Variants in SCAF8 observed in about 807,000 individuals in gnomAD.
SCAF8 encodes the protein SR-related CTD associated factor 8.
A neutral mutation model predicts 140.5 loss-of-function variants in SCAF8; 23 were observed. The observed-to-expected ratio is 0.16, with a 90% CI of 0.12 to 0.23. SCAF8 has a LOEUF of 0.23. Ranked by LOEUF, SCAF8 falls within the 10% of genes least tolerant of loss-of-function variation. The probability of loss-of-function intolerance (pLI) is 1.00; values close to 1 mark genes in which losing one functional copy is unlikely to be tolerated. For missense variants in SCAF8, 1,397 were observed against 1,555.7 expected (o/e 0.90, Z 1.72); for synonymous variants, 575 against 528.9 (o/e 1.09, Z -1.20).
In SCAF8 at chr6:154,831,035, C is replaced by T; in HGVS notation, c.2254C>T (p.Pro752Ser). Residue 752 changes from proline to serine, a missense_variant, in exon 19 of 20, where the codon CCA becomes TCA. Physicochemically the swap from Pro to Ser is moderately conservative, Grantham distance 74 (BLOSUM62 -1). Transcript: ENST00000367178. ...CAGCAATCTTGCTACTTCCGCTCTG[C>T]CAGCTGGAAATGTTTTTAATGCTCC... ...VASNLATSALPAGNVFNAPTK... is the reference protein window; with the variant it reads ...VASNLATSALSAGNVFNAPTK... 1 of 1,613,958 alleles carries T rather than the reference C, an allele frequency of 6.2e-7. No individual in the cohort carries two copies. Among genetic ancestry groups the T allele is most frequent in the Non-Finnish European group, 8.5e-7 (1 of 1,179,880 alleles).
At position 154,737,192 on chromosome 6, in the gene SCAF8, C is replaced by T. The variant is rs966494515; in HGVS notation, c.30+3262C>T. Among the ~76,000 whole-genome samples, 13 of 152,062 alleles carry T rather than the reference C, an allele frequency of 8.5e-5. 1 individual carries two copies. Among genetic ancestry groups the T allele is most frequent in the Admixed American group, 3.3e-4 (5 of 15,262 alleles). ...CAGGATTAGGAGAAAAGGATGTTTT[C>T]GACGCTCATAGTTTGGCTTTTAAAG... On this transcript the variant is annotated intron_variant, in intron 1 of 19. Transcript: ENST00000367178.
chr6:154,768,170 C>G (rs1776636316), intron 1 of SCAF8, among the ~76,000 whole-genome samples: 1 of 152,102 alleles, frequency 6.6e-6, no homozygotes, highest in Admixed American at 6.5e-5. Context: ...AGGCCAGATT[C>G]ATTTGTCTTG....
At chr6:154,805,926 T>A (rs1777900532) in intron 9 of SCAF8, among the ~76,000 whole-genome samples, 1 of 152,160 alleles carries the variant, frequency 6.6e-6, no homozygotes, top group African/African-American at 2.4e-5. Context: ...TTTTAAAACG[T>A]ATTTGCTGTT....
In SCAF8 at chr6:154,833,149, T is replaced by C. The variant is rs548185536; in HGVS notation, c.3570T>C (p.Pro1190=). Residue 1190 remains proline (P), a synonymous_variant, in exon 20 of 20, where the codon CCT becomes CCC. Coordinates refer to ENST00000367178, the MANE Select transcript of SCAF8 (RefSeq NM_014892.5). ...RDRIQNTWVP[P]PHARVFDYFE... is the part of the protein sequence containing the mutation. ...GAATTCAAAACACTTGGGTTCCCCCTCCTCATGCTCGGGTTTTTGATTATT... is the reference window on the plus strand; with the variant it reads ...GAATTCAAAACACTTGGGTTCCCCCCCCTCATGCTCGGGTTTTTGATTATT... 7.1e-5 allele frequency: 115 copies of C among 1,614,090 alleles called. No individual in the cohort carries two copies. Among genetic ancestry groups the C allele is most frequent in the South Asian group, 5.8e-4 (53 of 91,072 alleles).
chr6:154,762,753 T>C (rs1036946348), intron 1 of SCAF8, among the ~76,000 whole-genome samples: 1 of 152,228 alleles, frequency 6.6e-6, no homozygotes, highest in African/African-American at 2.4e-5. Flanking sequence ...CACTTATAAA[T>C]ATACCCATAT....
At chr6:154,760,599 A>G (rs1776355495) in intron 1 of SCAF8, among the ~76,000 whole-genome samples, 1 of 152,186 alleles carries the variant, frequency 6.6e-6, no homozygotes, top group Admixed American at 6.5e-5. Context: ...TTAGTAGAAT[A>G]TTGTCTGTCT....
At chr6:154,816,940 A>G (rs1452994640) in intron 13 of SCAF8, among the ~76,000 whole-genome samples, 1 of 152,198 alleles carries the variant, frequency 6.6e-6, no homozygotes, top group Non-Finnish European at 1.5e-5. Flanking sequence ...ACAGGTGATA[A>G]AAAGATGATT....
chr6:154,786,390 T>C (rs1416637240), intron 3 of SCAF8, among the ~76,000 whole-genome samples: 1 of 152,252 alleles, frequency 6.6e-6, no homozygotes, highest in Non-Finnish European at 1.5e-5. Context: ...ATAGTGATGT[T>C]ATACTCAGGA....
chr6:154,767,335 G>T (rs1184341632), intron 1 of SCAF8, among the ~76,000 whole-genome samples: 5 of 151,550 alleles, frequency 3.3e-5, no homozygotes. Flanking sequence ...TTAAATCCTG[G>T]TGTTTGCCTC....
In SCAF8 at chr6:154,733,514, A is replaced by G. The variant is rs1778315108; in HGVS notation, c.-387A>G. ...CCGAGCGGCGGGGAGGTGAAACAGG[A>G]GCCCGTCGGAGGAAGGGGCAGAAGG... On this transcript the variant is annotated 5_prime_UTR_variant, in exon 1 of 20. Transcript: ENST00000367178. The G allele has an allele frequency of 1.5e-6, 2 of 1,307,494 alleles. No individual in the cohort carries two copies. Among genetic ancestry groups the G allele is most frequent in the Non-Finnish European group, 9.7e-7 (1 of 1,028,720 alleles). 81.0% of individuals were successfully genotyped at this position (1,307,494 alleles called of 1,614,324 possible).
intron 1 of SCAF8, among the ~76,000 whole-genome samples, chr6:154,744,122 G>T (rs543683061): frequency 6.6e-6 from 1 of 152,252 alleles, no homozygotes; most frequent in Non-Finnish European, 1.5e-5. Flanking sequence ...TTGAAACCCT[G>T]TCTCTACTAA....
intron 1 of SCAF8, among the ~76,000 whole-genome samples, chr6:154,745,989 G>A (rs1264431708): frequency 2.0e-5 from 3 of 152,026 alleles, no homozygotes; most frequent in Non-Finnish European, 4.4e-5. Flanking sequence ...AGGTTCAAGC[G>A]ATTCTCGTGC....
Position 154,735,791 on chromosome 6 carries a change from G to A in SCAF8, c.30+1861G>A, listed in dbSNP as rs375041020. On this transcript the variant is annotated intron_variant, in intron 1 of 19. Coordinates refer to ENST00000367178, the MANE Select transcript of SCAF8 (RefSeq NM_014892.5). The stretch of plus-strand genomic sequence containing the variant: ...GGCCTCCCAAAGTGCTGAGATTATG[G>A]GCGTGTGCCACTGCGCCTGGTGTTT... 6.6e-5 allele frequency among the ~76,000 whole-genome samples: 10 copies of A among 151,960 alleles called. No individual in the cohort carries two copies. In the East Asian group the frequency reaches 1.5e-3, roughly 23 times the overall value.
At chr6:154,777,801 A>G (rs577240479) in intron 2 of SCAF8, among the ~76,000 whole-genome samples, 200 bp from the exon 3 acceptor site, 1 of 152,176 alleles carries the variant, frequency 6.6e-6, no homozygotes, top group Non-Finnish European at 1.5e-5. Context: ...TCACACATCT[A>G]CTTTAGAGAA....
rs113537934 is a variant in SCAF8 at position 154,793,252 on chromosome 6, G to A, written c.475+276G>A. On this transcript the variant is annotated intron_variant, in intron 5 of 19. Transcript: ENST00000367178. ...AATTAGATTTTTCCTGATTTAAGTTGTCTGTAACTTCTTATACTTGCATTT... is the reference window on the plus strand; with the variant it reads ...AATTAGATTTTTCCTGATTTAAGTTATCTGTAACTTCTTATACTTGCATTT... Among the ~76,000 whole-genome samples, 138 of 152,080 alleles carry A rather than the reference G, an allele frequency of 9.1e-4. 5 individuals carry two copies. In the South Asian group the frequency reaches 0.017, roughly 19 times the overall value.
intron 3 of SCAF8, among the ~76,000 whole-genome samples, chr6:154,778,769 ATGTGTGTG>A (rs71021079): frequency 1.6e-3 from 226 of 142,158 alleles, no homozygotes; most frequent in African/African-American, 3.2e-3. Context: ...GTCTCAAAAA[ATGTGTGTG>A]TGTGTGTGTG....
At chr6:154,819,513 C>A (rs1778352651) in intron 14 of SCAF8, among the ~76,000 whole-genome samples, 1 of 152,058 alleles carries the variant, frequency 6.6e-6, no homozygotes, top group Non-Finnish European at 1.5e-5. Flanking sequence ...ATCTTTTGAG[C>A]CCATGAAGTC....
chr6:154,822,162 C>A, intron 15 of SCAF8, 114 bp from the exon 16 acceptor site: 1 of 1,118,932 alleles, frequency 8.9e-7, no homozygotes, highest in Non-Finnish European at 1.2e-6. Context: ...GTGGATATAT[C>A]TTAAAGATGT....
chr6:154,814,131 G>T (rs1220415501), intron 12 of SCAF8, among the ~76,000 whole-genome samples: 1 of 152,228 alleles, frequency 6.6e-6, no homozygotes, highest in African/African-American at 2.4e-5. Flanking sequence ...AGACCAGCCT[G>T]GGCAACGTGG....
Sources: gnomAD v4.1 joint callset for allele counts (sites outside exome capture counted in the v4.1 genomes callset) on GRCh38, gnomAD v4.1.1 for gene constraint, MANE v1.5 for transcripts, NCBI Gene and HGNC (gene_info 2026-07-23, HGNC 2026-07-21) for gene names.